OSBPL10: variants seen among roughly 807,000 people sequenced by gnomAD.
OSBPL10 encodes the protein oxysterol binding protein like 10, also known as oxysterol-binding protein-related protein 10.
OSBPL10 carries 49 observed loss-of-function variants against 81.7 expected under a neutral mutation model. The ratio of observed to expected loss-of-function variants is 0.60; its 90% CI spans 0.48 to 0.76. The LOEUF is 0.76. Among genes scored for constraint, OSBPL10 ranks in the 30% least tolerant of loss-of-function variants. OSBPL10 has a pLI of 0.00. For missense variants in OSBPL10, 923 were observed against 987.8 expected (o/e 0.93, Z 0.88); for synonymous variants, 419 against 383.6 (o/e 1.09, Z -1.08).
intron 5 of OSBPL10, among the ~76,000 whole-genome samples, chr3:31,743,031 G>GTTTTTTTTT (rs10715360): frequency 1.7e-5 from 1 of 57,494 alleles, no homozygotes; most frequent in Non-Finnish European, 3.2e-5. Flanking sequence ...AGCTAAATTA[G>GTTTTTTTTT]TTTTTTTTTT....
intron 1 of OSBPL10, chr3:32,046,753 T>C (rs1699625870): frequency 1.3e-5 from 2 of 152,248 alleles, no homozygotes; most frequent in South Asian, 4.1e-4. Flanking sequence ...ATCATTTACA[T>C]GATTTCATGT....
At chr3:31,962,532 A>ATT (rs57842240) in intron 1 of OSBPL10, among the ~76,000 whole-genome samples, 1 of 149,864 alleles carries the variant, frequency 6.7e-6, no homozygotes, top group Non-Finnish European at 1.5e-5. Context: ...ATGAAACACT[A>ATT]TTTTTTTTTT....
At chr3:31,736,773 G>C (rs911652961) in intron 5 of OSBPL10, among the ~76,000 whole-genome samples, 4 of 152,156 alleles carry the variant, frequency 2.6e-5, no homozygotes, top group African/African-American at 7.2e-5. Context: ...TGTTGTACAC[G>C]CCTGTAGTCC....
chr3:31,744,068 G>A (rs7634193), intron 5 of OSBPL10, among the ~76,000 whole-genome samples: 65,175 of 152,052 alleles, frequency 0.43, 14,908 homozygotes, highest in East Asian at 0.77. Flanking sequence ...CTTTCCCCCA[G>A]TGGGTAGCAT....
intron 4 of OSBPL10, among the ~76,000 whole-genome samples, chr3:31,818,669 C>T (rs1372454383): frequency 6.6e-6 from 1 of 152,168 alleles, no homozygotes; most frequent in East Asian, 1.9e-4. Flanking sequence ...TTTGTTCAGT[C>T]TCTACATGCT....
chr3:31,809,596 T>C (rs78359858), intron 4 of OSBPL10, among the ~76,000 whole-genome samples: 5,122 of 152,260 alleles, frequency 0.034, 297 homozygotes, highest in African/African-American at 0.12. Context: ...GAAGTTCTTG[T>C]GGAATAGTTG....
chr3:31,921,703 A>C (rs1696920664), intron 1 of OSBPL10, among the ~76,000 whole-genome samples: 1 of 152,198 alleles, frequency 6.6e-6, no homozygotes, highest in Non-Finnish European at 1.5e-5. Context: ...AAGAAGGAGG[A>C]GTTTAACTCC....
intron 4 of OSBPL10, among the ~76,000 whole-genome samples, chr3:31,785,188 A>G (rs1269906784): frequency 1.3e-5 from 2 of 152,204 alleles, no homozygotes; most frequent in African/African-American, 2.4e-5. Context: ...GTCTTGAACC[A>G]TATTTTCATT....
At chr3:31,992,449 T>A (rs1699044389) in intron 2 of OSBPL10, among the ~76,000 whole-genome samples, 1 of 152,202 alleles carries the variant, frequency 6.6e-6, no homozygotes, top group South Asian at 2.1e-4. Context: ...AGAGCCATGT[T>A]GATTCTGGAG....
intron 6 of OSBPL10, among the ~76,000 whole-genome samples, chr3:31,713,559 G>A (rs754931876): frequency 5.9e-5 from 9 of 151,922 alleles, no homozygotes; most frequent in African/African-American, 9.7e-5. Context: ...ACCATGCCAG[G>A]CTAATTTTTG....
chr3:31,814,689 A>G (rs1283547344), intron 4 of OSBPL10, among the ~76,000 whole-genome samples: 1 of 152,178 alleles, frequency 6.6e-6, no homozygotes, highest in Non-Finnish European at 1.5e-5. Context: ...TTGATTTCAG[A>G]TTCTAGCCTC....
chr3:32,047,549 C>CTATTACAT (rs1699633532), intron 1 of OSBPL10, among the ~76,000 whole-genome samples: 1 of 152,068 alleles, frequency 6.6e-6, no homozygotes, highest in Non-Finnish European at 1.5e-5. Flanking sequence ...TTTTAACATG[C>CTATTACAT]TATTACATTA....
intron 5 of OSBPL10, among the ~76,000 whole-genome samples, chr3:31,738,765 G>A (rs745666077): frequency 6.6e-6 from 1 of 152,114 alleles, no homozygotes; most frequent in African/African-American, 2.4e-5. Flanking sequence ...AGACTCCTAC[G>A]CTATGCACCA....
chr3:31,841,054 A>G (rs796434016), intron 3 of OSBPL10, among the ~76,000 whole-genome samples: 64 of 152,294 alleles, frequency 4.2e-4, no homozygotes, highest in African/African-American at 1.4e-3. Flanking sequence ...GATTACAGGC[A>G]TGTGCCACCA....
At chr3:31,687,267 T>C (rs893623304) in intron 7 of OSBPL10, among the ~76,000 whole-genome samples, 1 of 152,072 alleles carries the variant, frequency 6.6e-6, no homozygotes, top group African/African-American at 2.4e-5. Context: ...CGTGTCTTTT[T>C]CCCCACTCTA....
intron 5 of OSBPL10, 24 bp downstream of exon 5, chr3:31,747,886 T>G: frequency 3.1e-6 from 5 of 1,609,906 alleles, no homozygotes; most frequent in Non-Finnish European, 4.2e-6. Context: ...ATCCCAAACA[T>G]GGACAAGCCC....
At chr3:31,965,289 G>A (rs896947963) in intron 1 of OSBPL10, among the ~76,000 whole-genome samples, 2 of 147,538 alleles carry the variant, frequency 1.4e-5, no homozygotes, top group Admixed American at 1.4e-4. Context: ...AGAATGGCGT[G>A]AACCCAGGAG....
chr3:32,031,523 G>T (rs1053119293), intron 2 of OSBPL10, among the ~76,000 whole-genome samples: 2 of 151,924 alleles, frequency 1.3e-5, no homozygotes, highest in South Asian at 4.2e-4. Flanking sequence ...GTGCAGTGGC[G>T]TGATCTTGGC....
At chr3:31,958,811 C>T (rs867846452) in intron 1 of OSBPL10, among the ~76,000 whole-genome samples, 8 of 152,172 alleles carry the variant, frequency 5.3e-5, no homozygotes, top group African/African-American at 1.9e-4. Flanking sequence ...TTTATTGGAA[C>T]AGAGCCATGT....
Sources: allele counts gnomAD v4.1 joint callset (sites outside exome capture counted in the v4.1 genomes callset), GRCh38; gene constraint gnomAD v4.1.1; transcripts MANE v1.5; gene names NCBI Gene and HGNC (gene_info 2026-07-23, HGNC 2026-07-21).